NXPH1: variants seen among roughly 807,000 people sequenced by gnomAD.
NXPH1 encodes the protein neurexophilin-1.
Under a neutral mutation model 23.7 loss-of-function variants are expected in NXPH1, and 5 were observed. The observed-to-expected ratio is 0.21, with a 90% CI of 0.11 to 0.44. NXPH1 has a LOEUF of 0.44. Ranked by LOEUF, NXPH1 falls within the 20% of genes least tolerant of loss-of-function variation. NXPH1 has a pLI of 0.99. For missense variants in NXPH1, 324 were observed against 321.6 expected, an observed-to-expected ratio of 1.01 and a Z score of -0.06; for synonymous variants, 144 against 122.2, an observed-to-expected ratio of 1.18 and a Z score of -1.18.
At chr7:8,641,209 A>G (rs1364412348) in intron 2 of NXPH1, among the ~76,000 whole-genome samples, 1 of 152,104 alleles carries the variant, frequency 6.6e-6, no homozygotes, top group African/African-American at 2.4e-5. Context: ...TTTTATTGTT[A>G]ATTTTAAGCT....
intron 2 of NXPH1, among the ~76,000 whole-genome samples, chr7:8,688,516 C>A (rs992346822): frequency 2.0e-5 from 3 of 152,154 alleles, no homozygotes; most frequent in Non-Finnish European, 4.4e-5. Context: ...TGTCTGCCAA[C>A]AGAATTGGGA....
intron 2 of NXPH1, among the ~76,000 whole-genome samples, chr7:8,729,045 A>T (rs1204478610): frequency 6.6e-6 from 1 of 151,904 alleles, no homozygotes; most frequent in Non-Finnish European, 1.5e-5. Context: ...CAGAGATTCA[A>T]CTTCTTCCTG....
intron 2 of NXPH1, among the ~76,000 whole-genome samples, chr7:8,736,678 T>A (rs146259799): frequency 7.7e-4 from 118 of 152,338 alleles, no homozygotes; most frequent in African/African-American, 2.8e-3. Context: ...AAGTCCTGAA[T>A]ATCCTTGTTA....
At chr7:8,503,587 C>G (rs930415919) in intron 2 of NXPH1, among the ~76,000 whole-genome samples, 1 of 151,946 alleles carries the variant, frequency 6.6e-6, no homozygotes, top group Non-Finnish European at 1.5e-5. Context: ...TCAATTTCTG[C>G]TACAATCATG....
intron 2 of NXPH1, among the ~76,000 whole-genome samples, chr7:8,605,650 C>T (rs995719671): frequency 6.6e-6 from 1 of 152,042 alleles, no homozygotes; most frequent in Non-Finnish European, 1.5e-5. Context: ...AGATGTTCAA[C>T]GTCAGAGATC....
intron 2 of NXPH1, among the ~76,000 whole-genome samples, chr7:8,680,517 A>G (rs930134733): frequency 2.6e-5 from 4 of 152,246 alleles, no homozygotes; most frequent in African/African-American, 2.4e-5. Flanking sequence ...GTTAGGTAGT[A>G]TATATAGATG....
intron 2 of NXPH1, among the ~76,000 whole-genome samples, chr7:8,437,960 T>C (rs551457710): frequency 6.6e-6 from 1 of 152,348 alleles, no homozygotes; most frequent in South Asian, 2.1e-4. Flanking sequence ...AAAGTACTTT[T>C]GTGTGTCGGG....
chr7:8,483,911 G>A (rs1448711767), intron 2 of NXPH1, among the ~76,000 whole-genome samples: 1 of 150,234 alleles, frequency 6.7e-6, no homozygotes, highest in Non-Finnish European at 1.5e-5. Flanking sequence ...GGAAATTTAT[G>A]GCCATTCCTA....
At chr7:8,658,512 T>C (rs1820616840) in intron 2 of NXPH1, among the ~76,000 whole-genome samples, 1 of 152,236 alleles carries the variant, frequency 6.6e-6, no homozygotes, top group Non-Finnish European at 1.5e-5. Context: ...TTTGTGCTTA[T>C]GAAGTTGACT....
At chr7:8,509,219 A>C (rs1817576003) in intron 2 of NXPH1, among the ~76,000 whole-genome samples, 1 of 152,158 alleles carries the variant, frequency 6.6e-6, no homozygotes, top group Non-Finnish European at 1.5e-5. Context: ...TGTTGATTCT[A>C]CAGGGTTATC....
intron 2 of NXPH1, among the ~76,000 whole-genome samples, chr7:8,557,278 A>G (rs1438937887): frequency 9.6e-6 from 1 of 104,496 alleles, no homozygotes; most frequent in Non-Finnish European, 1.8e-5. Context: ...TAAGTGTTAA[A>G]ACAACAACAA....
At position 8,648,896 on chromosome 7, in the gene NXPH1, G is replaced by A. The variant is rs898348328; in HGVS notation, c.55-102112G>A. Among the ~76,000 whole-genome samples the A allele has an allele frequency of 1.1e-4, 16 of 151,744 alleles. No individual in the cohort carries two copies. The South Asian group carries it at 2.1e-3, about 20-fold the overall frequency. Reference sequence around the variant, plus strand: ...TTTTGTTTTATATAAGTATATACAAGTTTCTAATTGGTATATCCTTGTCTT... The same window carrying A: ...TTTTGTTTTATATAAGTATATACAAATTTCTAATTGGTATATCCTTGTCTT... On this transcript the variant is annotated intron_variant, in intron 2 of 2. Transcript: ENST00000405863.
intron 2 of NXPH1, among the ~76,000 whole-genome samples, chr7:8,737,679 G>A (rs1233918483): frequency 6.6e-6 from 1 of 152,196 alleles, no homozygotes; most frequent in African/African-American, 2.4e-5. Flanking sequence ...ATGTTGACCT[G>A]TCTTGCTAGA....
intron 2 of NXPH1, among the ~76,000 whole-genome samples, chr7:8,583,517 T>G (rs567386547): frequency 3.9e-5 from 6 of 152,332 alleles, no homozygotes; most frequent in Admixed American, 3.3e-4. Context: ...GCTATCATTA[T>G]TATTATTATT....
At chr7:8,697,157 CAAAAA>C (rs139349283) in intron 2 of NXPH1, among the ~76,000 whole-genome samples, 7 of 104,890 alleles carry the variant, frequency 6.7e-5, no homozygotes, top group African/African-American at 7.2e-5. Context: ...GATTCTGTTT[CAAAAA>C]AAAAAAAAAA....
At chr7:8,463,030 C>G (rs1183429306) in intron 2 of NXPH1, among the ~76,000 whole-genome samples, 1 of 152,178 alleles carries the variant, frequency 6.6e-6, no homozygotes, top group Non-Finnish European at 1.5e-5. Context: ...CTTTTGTAAT[C>G]TCCCTTCTAG....
At chr7:8,510,347 A>C (rs1817592034) in intron 2 of NXPH1, among the ~76,000 whole-genome samples, 1 of 152,164 alleles carries the variant, frequency 6.6e-6, no homozygotes, top group African/African-American at 2.4e-5. Flanking sequence ...ATTATTTTAT[A>C]TAATTTTCAC....
chr7:8,570,284 T>A (rs1237868670), intron 2 of NXPH1, among the ~76,000 whole-genome samples: 2 of 151,962 alleles, frequency 1.3e-5, no homozygotes, highest in African/African-American at 4.8e-5. Context: ...GGAGGCAGCA[T>A]AGTTAAGATG....
chr7:8,689,851 A>G (rs1462162631), intron 2 of NXPH1, among the ~76,000 whole-genome samples: 1 of 152,188 alleles, frequency 6.6e-6, no homozygotes, highest in Non-Finnish European at 1.5e-5. Flanking sequence ...TAGGGTGGCC[A>G]TATAATTTAT....
Sources: gnomAD v4.1 joint callset for allele counts (sites outside exome capture counted in the v4.1 genomes callset) on GRCh38, gnomAD v4.1.1 for gene constraint, MANE v1.5 for transcripts, NCBI Gene and HGNC (gene_info 2026-07-23, HGNC 2026-07-21) for gene names.